The following RGMA variants were observed in gnomAD, a reference collection of about 807,000 sequenced individuals.
RGMA encodes repulsive guidance molecule A.
Under a neutral mutation model 23.2 loss-of-function variants are expected in RGMA, and 10 were observed. The observed-to-expected ratio is 0.43, with a 90% confidence interval of 0.27 to 0.73. The LOEUF is 0.73. Ranked by LOEUF, RGMA falls within the 30% of genes least tolerant of loss-of-function variation. The pLI is 0.20. For missense variants in RGMA, 547 were observed against 630.5 expected, an observed-to-expected ratio of 0.87 and a Z score of 1.42; for synonymous variants, 308 against 279.3, an observed-to-expected ratio of 1.10 and a Z score of -1.03.
intron 2 of RGMA, chr15:93,066,698 A>G (rs993020333): frequency 2.7e-6 from 1 of 373,026 alleles, no homozygotes; most frequent in Admixed American, 3.6e-5. Flanking sequence ...GGTTTTTTAT[A>G]TTTTTGGTAG....
intron 1 of RGMA, chr15:93,073,695 T>C: frequency 6.5e-7 from 1 of 1,537,236 alleles, no homozygotes; most frequent in Non-Finnish European, 8.7e-7. Flanking sequence ...AGGATGGCTC[T>C]CTGCATCTCA....
At chr15:93,050,474 G>T (rs1355645195) in intron 3 of RGMA, among the ~76,000 whole-genome samples, 4 of 152,190 alleles carry the variant, frequency 2.6e-5, no homozygotes, top group Admixed American at 6.5e-5. Flanking sequence ...CTCTCAGCCT[G>T]CTGAGATCAA....
chr15:93,088,417 G>A (rs1002918275), intron 1 of RGMA: 2 of 985,694 alleles, frequency 2.0e-6, no homozygotes, highest in Non-Finnish European at 2.4e-6. Flanking sequence ...ACGCCGGCGC[G>A]CCGAGGCAAA....
chr15:93,081,024 T>C (rs904289802), intron 1 of RGMA, among the ~76,000 whole-genome samples: 1 of 152,206 alleles, frequency 6.6e-6, no homozygotes, highest in African/African-American at 2.4e-5. Flanking sequence ...TATTTATGAA[T>C]TGCTTAATTG....
chr15:93,085,235 T>C (rs2141850457), intron 1 of RGMA, among the ~76,000 whole-genome samples: 1 of 152,112 alleles, frequency 6.6e-6, no homozygotes, highest in South Asian at 2.1e-4. Context: ...AAAAATGAAA[T>C]ATAAGGAGAA....
intron 3 of RGMA, among the ~76,000 whole-genome samples, chr15:93,047,044 C>G (rs768670664): frequency 3.9e-5 from 6 of 152,312 alleles, no homozygotes; most frequent in South Asian, 4.1e-4. Context: ...AATGTAGGCT[C>G]AGAGAGAGGC....
rs556631352 is a variant in RGMA at position 93,072,834 on chromosome 15, G to A, written c.130+82C>T. On this transcript the variant is annotated intron_variant, in intron 2 of 3. Transcript: ENST00000329082. ...GAGGAGGTCCGGAGAACTTGAGCCC[G>A]GACTCACTCGCGCACATCTGGCCCA... 1.0e-4 allele frequency: 150 copies of A among 1,461,022 alleles called. 4 individuals are homozygous for A. The South Asian group carries it at 1.7e-3, about 17-fold the overall frequency. The allele number at this position is 1,461,022 out of a possible 1,614,324, so 90.5% of individuals were successfully genotyped here. A position where few individuals can be genotyped will look rare whatever the true frequency, so the allele number is the denominator to read the frequency against.
chr15:93,078,622 C>G (rs1192478755), intron 1 of RGMA, among the ~76,000 whole-genome samples: 2 of 152,222 alleles, frequency 1.3e-5, no homozygotes, highest in African/African-American at 4.8e-5. Flanking sequence ...CTGGCTTCAT[C>G]TTTCCACACT....
intron 2 of RGMA, among the ~76,000 whole-genome samples, chr15:93,057,852 TG>T (rs959151023): frequency 2.8e-4 from 42 of 152,028 alleles, no homozygotes; most frequent in African/African-American, 8.5e-4. Flanking sequence ...AGGGAGAGAT[TG>T]GGGGGTGGCA....
intron 2 of RGMA, chr15:93,065,982 C>T (rs770782460): frequency 5.6e-5 from 64 of 1,146,902 alleles, no homozygotes; most frequent in South Asian, 3.5e-4. Context: ...TGGGCCGCTG[C>T]GCGGAGTCTT....
intron 2 of RGMA, among the ~76,000 whole-genome samples, chr15:93,055,994 G>A (rs564384146): frequency 6.6e-5 from 10 of 152,322 alleles, no homozygotes; most frequent in African/African-American, 2.2e-4. Context: ...GGGGTCCCTC[G>A]CATGCTCCAG....
intron 2 of RGMA, among the ~76,000 whole-genome samples, chr15:93,059,782 A>G (rs1266862417): frequency 6.6e-6 from 1 of 152,204 alleles, no homozygotes; most frequent in Non-Finnish European, 1.5e-5. Flanking sequence ...ATCAAAAGCA[A>G]TAGCTGTGGT....
chr15:93,058,941 T>C (rs984632742), intron 2 of RGMA, among the ~76,000 whole-genome samples: 5 of 152,130 alleles, frequency 3.3e-5, no homozygotes, highest in African/African-American at 1.2e-4. Flanking sequence ...AAACAAAACA[T>C]GATCGTGACA....
chr15:93,053,300 C>G (rs1392613145), intron 2 of RGMA, among the ~76,000 whole-genome samples: 1 of 152,238 alleles, frequency 6.6e-6, no homozygotes, highest in African/African-American at 2.4e-5. Flanking sequence ...TCTCAACACA[C>G]AGAACCTGCC....
chr15:93,073,823 C>T (rs576955641), intron 1 of RGMA: 1 of 1,521,526 alleles, frequency 6.6e-7, no homozygotes, highest in South Asian at 1.2e-5. Context: ...AAGACTTGCC[C>T]CGGCTGCGCC....
In RGMA at chr15:93,052,086, C is replaced by G. The variant is rs772794167; in HGVS notation, c.552G>C (p.Gln184His). The G allele has an allele frequency of 3.1e-6, 5 of 1,613,400 alleles. No individual in the cohort carries two copies. The highest frequency in any genetic ancestry group is 4.2e-6 in the Non-Finnish European group (5 of 1,179,710). Reference protein sequence around the residue: ...FTDRFQTCKVQGAWPLIDNNY... With the variant: ...FTDRFQTCKVHGAWPLIDNNY... ...TATTGTCGATGAGCGGCCAGGCGCC[C>G]TGCACCTTGCAGGTCTGGAAGCGGT... Residue 184 changes from glutamine (Q) to histidine (H), a missense_variant, in exon 3 of 4, where the codon CAG (glutamine) becomes CAC (histidine). Coordinates refer to ENST00000329082, the MANE Select transcript of RGMA (RefSeq NM_020211.3).
chr15:93,076,020 A>G (rs1376574508), intron 1 of RGMA, among the ~76,000 whole-genome samples: 1 of 152,252 alleles, frequency 6.6e-6, no homozygotes, highest in Non-Finnish European at 1.5e-5. Context: ...AACTCTCTGC[A>G]GGAATAAAAA....
chr15:93,052,906 C>A (rs146736317), intron 2 of RGMA, among the ~76,000 whole-genome samples: 20 of 152,314 alleles, frequency 1.3e-4, no homozygotes, highest in African/African-American at 4.6e-4. Context: ...AGGGAATTGG[C>A]CCCACTATTA....
intron 2 of RGMA, among the ~76,000 whole-genome samples, chr15:93,064,253 C>T (rs2141829239): frequency 1.3e-5 from 2 of 152,354 alleles, no homozygotes. Context: ...ACCATCCTGT[C>T]TCAGGGCAGA....
Sources: gnomAD v4.1 joint callset for allele counts (sites outside exome capture counted in the v4.1 genomes callset) on GRCh38, gnomAD v4.1.1 for gene constraint, MANE v1.5 for transcripts, NCBI Gene and HGNC (gene_info 2026-07-23, HGNC 2026-07-21) for gene names.